Variants in TLN2 observed in about 807,000 individuals in gnomAD.
TLN2 encodes the protein talin 2, also known as talin-2.
A neutral mutation model predicts 294.7 loss-of-function variants in TLN2; 118 were observed. The ratio of observed to expected loss-of-function variants is 0.40; its 90% CI spans 0.34 to 0.47. The LOEUF (loss-of-function observed/expected upper bound fraction) is 0.47. Ranked by LOEUF, TLN2 falls within the 20% of genes least tolerant of loss-of-function variation. The pLI, the probability that TLN2 is intolerant of heterozygous loss-of-function variation, is 0.84. For synonymous variants in TLN2, 1,431 were observed against 1,304.5 expected (o/e 1.10, Z -2.09); for missense variants, 3,083 against 3,282.2 (o/e 0.94, Z 1.48).
At chr15:62,722,898 G>C (rs1388496237) in intron 26 of TLN2, among the ~76,000 whole-genome samples, 1 of 152,116 alleles carries the variant, frequency 6.6e-6, no homozygotes, top group African/African-American at 2.4e-5. Context: ...AAATTATATA[G>C]GCAGAAAATC....
At chr15:62,799,805 G>A (rs1264591424) in intron 48 of TLN2, among the ~76,000 whole-genome samples, 2 of 152,360 alleles carry the variant, frequency 1.3e-5, no homozygotes, top group African/African-American at 4.8e-5. Context: ...CTGAGGACAT[G>A]ACATTTGAGT....
intron 54 of TLN2, chr15:62,832,493 A>T (rs899262028): frequency 4.6e-5 from 7 of 152,226 alleles, no homozygotes; most frequent in Non-Finnish European, 7.3e-5. Flanking sequence ...CTGGGACCAC[A>T]GTCTTTATAC....
At chr15:62,624,264 A>G (rs117644873) in intron 3 of TLN2, among the ~76,000 whole-genome samples, 6,629 of 152,242 alleles carry the variant, frequency 0.044, 196 homozygotes, top group Non-Finnish European at 0.061. Context: ...ACCAAGTTTT[A>G]GAAAATTAGT....
Position 62,772,698 on chromosome 15 carries a change from T to C in TLN2, c.5367+1564T>C, listed in dbSNP as rs550493572. 4.6e-5 allele frequency among the ~76,000 whole-genome samples: 7 copies of C among 152,102 alleles called. No individual in the cohort carries two copies. The South Asian group carries it at 8.3e-4, about 18-fold the overall frequency. On this transcript the variant is annotated intron_variant, in intron 42 of 58. Transcript: ENST00000636159. ...TTTTTTTGAGACAGAGTTTTGCTCT[T>C]GTTGCCCAGCCTGGAGTGCAATGGC...
At chr15:62,454,892 G>A (rs756242466) in intron 1 of TLN2, among the ~76,000 whole-genome samples, 1 of 151,994 alleles carries the variant, frequency 6.6e-6, no homozygotes, top group Non-Finnish European at 1.5e-5. Context: ...CTGTGACATC[G>A]GGGCAGGTGG....
At chr15:62,734,969 G>A (rs2060926544) in intron 28 of TLN2, among the ~76,000 whole-genome samples, 1 of 152,214 alleles carries the variant, frequency 6.6e-6, no homozygotes, top group Non-Finnish European at 1.5e-5. Context: ...TTCCAGCTCA[G>A]TCCTGTAGAA....
chr15:62,455,314 G>A (rs1566986103), intron 1 of TLN2, among the ~76,000 whole-genome samples: 1 of 151,998 alleles, frequency 6.6e-6, no homozygotes, highest in Non-Finnish European at 1.5e-5. Flanking sequence ...GGTTCCTGGA[G>A]GTGCACTTCA....
At chr15:62,460,450 A>T (rs1215348978) in intron 1 of TLN2, among the ~76,000 whole-genome samples, 1 of 151,960 alleles carries the variant, frequency 6.6e-6, no homozygotes, top group Non-Finnish European at 1.5e-5. Flanking sequence ...TTTAGTAGAG[A>T]CGGGGTTTCT....
At chr15:62,541,455 T>A (rs1033228363) in intron 1 of TLN2, among the ~76,000 whole-genome samples, 1 of 152,240 alleles carries the variant, frequency 6.6e-6, no homozygotes, top group South Asian at 2.1e-4. Flanking sequence ...TTTCTGGTTT[T>A]GACCCTGGAT....
At chr15:62,696,560 T>C (rs983460017) in intron 14 of TLN2, among the ~76,000 whole-genome samples, 1 of 151,978 alleles carries the variant, frequency 6.6e-6, no homozygotes, top group Non-Finnish European at 1.5e-5. Context: ...TACAGAAAAT[T>C]AGCCAGGTGT....
intron 52 of TLN2, among the ~76,000 whole-genome samples, chr15:62,812,400 G>A (rs576496184): frequency 1.3e-5 from 2 of 152,288 alleles, no homozygotes; most frequent in African/African-American, 4.8e-5. Context: ...TTTGCCCTTG[G>A]TGAGTCATTT....
intron 2 of TLN2, among the ~76,000 whole-genome samples, chr15:62,608,990 G>A (rs1339046228): frequency 6.6e-6 from 1 of 152,058 alleles, no homozygotes; most frequent in Admixed American, 6.5e-5. Flanking sequence ...AGGCATTGAG[G>A]CTGTGCAAGG....
In TLN2 at chr15:62,434,700, C is replaced by T. The variant is rs113690010; in HGVS notation, c.-238+44015C>T. Among the ~76,000 whole-genome samples the T allele has an allele frequency of 4.9e-3, 744 of 152,262 alleles. 6 individuals are homozygous for T. Among genetic ancestry groups the T allele is most frequent in the African/African-American group, 0.017 (716 of 41,540 alleles). The stretch of plus-strand genomic sequence containing the variant: ...TGTATTGTCAGACTGCCTATATTTG[C>T]CAGTCCGCTAGGTAAAAATGGAATC... On this transcript the variant is annotated intron_variant, in intron 1 of 58. Coordinates refer to ENST00000636159, the MANE Select transcript of TLN2 (RefSeq NM_015059.3).
At chr15:62,530,022 C>T (rs2040957397) in intron 1 of TLN2, among the ~76,000 whole-genome samples, 1 of 152,096 alleles carries the variant, frequency 6.6e-6, no homozygotes, top group Non-Finnish European at 1.5e-5. Context: ...GAAACCCCTT[C>T]TCTACTAAAA....
chr15:62,429,532 T>C (rs752647337), intron 1 of TLN2, among the ~76,000 whole-genome samples: 1 of 152,092 alleles, frequency 6.6e-6, no homozygotes, highest in African/African-American at 2.4e-5. Context: ...GTTTGTAGTT[T>C]AGCAGGGAAC....
intron 51 of TLN2, among the ~76,000 whole-genome samples, chr15:62,809,203 G>A (rs1269026123): frequency 6.6e-6 from 1 of 152,142 alleles, no homozygotes; most frequent in Non-Finnish European, 1.5e-5. Flanking sequence ...ATTTAACTGG[G>A]TGCATTTTAT....
In TLN2 at chr15:62,655,985, G is replaced by C. The variant is rs1176545195; in HGVS notation, c.559G>C (p.Val187Leu). ...DHSRTFREQG[V>L]DENETLLLRR... ...CAGCCGAACATTCAGAGAACAAGGA[G>C]TAGATGAAAACGAAACGTTGCTGCT... Residue 187 changes from valine (V) to leucine (L), a missense_variant, in exon 8 of 59, where the codon GTA becomes CTA. Coordinates refer to ENST00000636159, the MANE Select transcript of TLN2 (RefSeq NM_015059.3). 4 of 1,614,208 alleles carry C rather than the reference G, an allele frequency of 2.5e-6. No individual in the cohort carries two copies. In the East Asian group the frequency reaches 6.7e-5, roughly 27 times the overall value.
rs534607989 is a variant in TLN2 at position 62,800,768 on chromosome 15, C to G, written c.6476C>G (p.Thr2159Arg). ...ATTGAATGCATAAAGCAGGAGCTTA[C>G]GGTAAGGAGCCAGCAGTTACCTCCC... The part of the protein sequence containing the change: ...ATIECIKQEL[T>R]VFQSKDVPEK... The change falls in exon 50 of 59, where the codon ACG becomes AGG. Residue 2159 changes from threonine to arginine, a missense_variant and splice_region_variant. Transcript: ENST00000636159. The G allele has an allele frequency of 6.2e-7, 1 of 1,609,302 alleles. No individual in the cohort carries two copies. Among genetic ancestry groups the G allele is most frequent in the Admixed American group, 1.7e-5 (1 of 59,322 alleles).
rs2060811730 is a variant in TLN2, at chr15:62,732,964, C to A, written c.3359-3914C>A. Among the ~76,000 whole-genome samples, 4 of 152,082 alleles carry A rather than the reference C, an allele frequency of 2.6e-5. No homozygotes were observed. In the South Asian group the frequency reaches 8.3e-4, roughly 31 times the overall value. On this transcript the variant is annotated intron_variant, in intron 28 of 58. Transcript: ENST00000636159. ...TGAGAGCATCATTAGGCAGCTAAAT[C>A]TTTGGCTCTGAAACTCAGTAGAGAA... is the stretch of plus-strand genomic sequence containing the variant.
Sources: gnomAD v4.1 joint callset for allele counts (sites outside exome capture counted in the v4.1 genomes callset) on GRCh38, gnomAD v4.1.1 for gene constraint, MANE v1.5 for transcripts, NCBI Gene and HGNC (gene_info 2026-07-23, HGNC 2026-07-21) for gene names.